Variants in ESR2 observed in about 807,000 individuals in gnomAD.
ESR2 encodes the protein estrogen receptor beta.
In ESR2, 36 loss-of-function variants were observed where a neutral mutation model predicts 49.6. The observed-to-expected ratio is 0.73, with a 90% CI of 0.56 to 0.96. ESR2 has a LOEUF of 0.96. Ranked by LOEUF, ESR2 falls within the 40% of genes least tolerant of loss-of-function variation. The probability of loss-of-function intolerance (pLI) is 0.00; values close to 1 mark genes in which losing one functional copy is unlikely to be tolerated. For synonymous variants in ESR2, 320 were observed against 266.1 expected (o/e 1.20, Z -1.97); for missense variants, 714 against 693.0 (o/e 1.03, Z -0.34).
chr14:64,251,613 G>A lies in ESR2; in HGVS notation c.1092-1934C>T, dbSNP rs554138131. Among the ~76,000 whole-genome samples, 7 of 152,266 alleles carry A rather than the reference G, an allele frequency of 4.6e-5. No individual in the cohort carries two copies. The East Asian group carries it at 9.6e-4, about 21-fold the overall frequency. ...ATGGGAGGAGGGTTGGCATACTGAGGTATTTTAAACCCTGATAAAGGCTGT... is the reference window on the plus strand; with the variant it reads ...ATGGGAGGAGGGTTGGCATACTGAGATATTTTAAACCCTGATAAAGGCTGT... On this transcript the variant is annotated intron_variant, in intron 6 of 8. Transcript: ENST00000341099.
chr14:64,301,892 G>A (rs527399611), intron 1 of ESR2, among the ~76,000 whole-genome samples: 1 of 152,220 alleles, frequency 6.6e-6, no homozygotes, highest in Non-Finnish European at 1.5e-5. Flanking sequence ...CTTCCCAGGT[G>A]TACAGAAGCC....
At chr14:64,311,800 T>C (rs1222708449) in intron 1 of ESR2, among the ~76,000 whole-genome samples, 1 of 151,528 alleles carries the variant, frequency 6.6e-6, no homozygotes, top group African/African-American at 2.4e-5. Flanking sequence ...GTGACAGCAA[T>C]ACCCCATCTC....
chr14:64,250,974 C>T lies in ESR2; in HGVS notation c.1092-1295G>A, dbSNP rs533434789. Among the ~76,000 whole-genome samples, 4 of 152,264 alleles carry T rather than the reference C, an allele frequency of 2.6e-5. No individual in the cohort carries two copies. The South Asian group carries it at 8.3e-4, about 32-fold the overall frequency. On this transcript the variant is annotated intron_variant, in intron 6 of 8. Transcript: ENST00000341099. ...ACTAAATCATAAATTCTGTAAACAC[C>T]TGCAATTTTCTATAAGTACACAGGT...
rs576043607 is a variant in ESR2 at position 64,311,057 on chromosome 14, T to G, written c.-91+26841A>C. 3.3e-5 allele frequency among the ~76,000 whole-genome samples: 5 copies of G among 152,262 alleles called. No individual in the cohort carries two copies. The South Asian group carries it at 8.3e-4, about 25-fold the overall frequency. On this transcript the variant is annotated intron_variant, in intron 1 of 8. Transcript: ENST00000358599. ...ATCATATTAGATTTTTACTCACAGTTCTCTAAAATCATTTCAACTTATAGC... is the reference window on the plus strand; with the variant it reads ...ATCATATTAGATTTTTACTCACAGTGCTCTAAAATCATTTCAACTTATAGC...
chr14:64,279,902 T>C, intron 3 of ESR2, 79 bp downstream of exon 3: 1 of 1,202,956 alleles, frequency 8.3e-7, no homozygotes, highest in Non-Finnish European at 1.2e-6. Context: ...AGTAGTGACA[T>C]TTCTGCCAAG....
chr14:64,318,093 G>C (rs2077279415), intron 1 of ESR2, among the ~76,000 whole-genome samples: 1 of 152,102 alleles, frequency 6.6e-6, no homozygotes, highest in Non-Finnish European at 1.5e-5. Context: ...TCTCTATGTA[G>C]AGAATCCCAA....
At chr14:64,298,793 C>T (rs1451482814), upstream of ESR2, among the ~76,000 whole-genome samples, 1 of 152,160 alleles carries the variant, frequency 6.6e-6, no homozygotes, top group Non-Finnish European at 1.5e-5. Context: ...ACTTTTTGTC[C>T]TGTCCACTGC....
At chr14:64,307,212 T>A (rs1005213247) in intron 1 of ESR2, among the ~76,000 whole-genome samples, 2 of 151,758 alleles carry the variant, frequency 1.3e-5, no homozygotes, top group African/African-American at 4.8e-5. Flanking sequence ...TTTATTTATT[T>A]ATTTATTTAT....
intron 6 of ESR2, among the ~76,000 whole-genome samples, 188 bp from the exon 7 acceptor site, chr14:64,249,867 A>C (rs1220595956): frequency 6.6e-6 from 1 of 152,264 alleles, no homozygotes; most frequent in Non-Finnish European, 1.5e-5. Flanking sequence ...AATTGTCTTC[A>C]TATAAAGAAG....
intron 1 of ESR2, among the ~76,000 whole-genome samples, chr14:64,290,736 A>G (rs2140844260): frequency 6.6e-6 from 1 of 152,350 alleles, no homozygotes; most frequent in Admixed American, 6.5e-5. Context: ...CAAAATATTA[A>G]GGCCCTCAAT....
intron 3 of ESR2, among the ~76,000 whole-genome samples, chr14:64,278,580 G>C (rs549405085): frequency 4.6e-5 from 7 of 152,302 alleles, no homozygotes; most frequent in Admixed American, 2.0e-4. Context: ...GATAGAAAAA[G>C]GAAGGGAGCT....
In ESR2 at chr14:64,260,609, G is replaced by T. The variant is rs760331553; in HGVS notation, c.792C>A (p.Ser264Arg). 4 of 1,610,704 alleles carry T rather than the reference G, an allele frequency of 2.5e-6. No homozygotes were observed. The highest frequency in any genetic ancestry group is 2.7e-5 in the African/African-American group (2 of 74,842). Residue 264 changes from serine to arginine, a missense_variant, in exon 5 of 9, where the codon AGC becomes AGA. Coordinates refer to ENST00000341099, the MANE Select transcript of ESR2 (RefSeq NM_001437.3). ...GGAGGGTGAGCACTAGCTGCTCGGGGCTCAGGGCGTCCAGCAGCAGCTCCC... is the reference window on the plus strand; with the variant it reads ...GGAGGGTGAGCACTAGCTGCTCGGGTCTCAGGGCGTCCAGCAGCAGCTCCC... ...RVRELLLDAL[S>R]PEQLVLTLLE... is the part of the protein sequence containing the mutation.
chr14:64,326,347 TCAGGGGTCA>T (rs2077389815), intron 1 of ESR2, among the ~76,000 whole-genome samples: 1 of 152,166 alleles, frequency 6.6e-6, no homozygotes, highest in South Asian at 2.1e-4. Context: ...ATTCAAGATT[TCAGGGGTCA>T]CAGTAGATGA....
chr14:64,240,659 A>T (rs2075701823), intron 7 of ESR2, among the ~76,000 whole-genome samples: 1 of 152,210 alleles, frequency 6.6e-6, no homozygotes, highest in Non-Finnish European at 1.5e-5. Context: ...ACTCAGCTGC[A>T]AGTTTTTGCA....
At position 64,261,752 on chromosome 14, in the gene ESR2, T is replaced by A. The variant is rs752271082; in HGVS notation, c.653-1004A>T. ...CAAAATTAGATTGTAGTATCTACAC[T>A]ATTTTAATTGTATTTTTGAGACAGA... On this transcript the variant is annotated intron_variant, in intron 4 of 8. Coordinates refer to ENST00000341099, the MANE Select transcript of ESR2 (RefSeq NM_001437.3). Among the ~76,000 whole-genome samples, 6 of 152,286 alleles carry A rather than the reference T, an allele frequency of 3.9e-5. No individual in the cohort carries two copies. The South Asian group carries it at 8.3e-4, about 21-fold the overall frequency.
At chr14:64,245,328 A>T (rs1042982823) in intron 7 of ESR2, among the ~76,000 whole-genome samples, 1 of 151,984 alleles carries the variant, frequency 6.6e-6, no homozygotes, top group Non-Finnish European at 1.5e-5. Context: ...CCTGGCCAAC[A>T]TGGTGAAACC....
At chr14:64,301,248 A>G (rs1193807419) in intron 1 of ESR2, 1 of 152,242 alleles carries the variant, frequency 6.6e-6, no homozygotes, top group Non-Finnish European at 1.5e-5. Flanking sequence ...GTTGCAAATG[A>G]TAAGTGACAA....
Position 64,233,296 on chromosome 14 carries a change from G to A in ESR2, c.1434C>T (p.Asn478=). 3 of 1,614,022 alleles carry A rather than the reference G, an allele frequency of 1.9e-6. No individual in the cohort carries two copies. The highest frequency in any genetic ancestry group is 1.7e-4 in the Middle Eastern group (1 of 6,060). ...ASNKGMEHLL[N]MKCKNVVPVY... ...CTGGGACCACATTTTTGCACTTCATGTTGAGCAGATGTTCCATGCCCTTGT... is the reference window on the plus strand; with the variant it reads ...CTGGGACCACATTTTTGCACTTCATATTGAGCAGATGTTCCATGCCCTTGT... The change falls in exon 9 of 9, where the codon AAC becomes AAT. Residue 478 remains asparagine, a synonymous_variant. Transcript: ENST00000341099.
chr14:64,268,915 T>C lies in ESR2; in HGVS notation c.536-4A>G, dbSNP rs755736550. 5 of 1,525,658 alleles carry C rather than the reference T, an allele frequency of 3.3e-6. No homozygotes were observed. In the East Asian group the frequency reaches 1.1e-4, roughly 34 times the overall value. The allele number at this position is 1,525,658 out of a possible 1,614,324, so 94.5% of individuals were successfully genotyped here. ...GGACAAATATAATCATTATGTCCTA[T>C]AGCAGAGTGGGAGGGAAAAAAAGAT... is the stretch of plus-strand genomic sequence containing the variant. On this transcript the variant is annotated splice_polypyrimidine_tract_variant and splice_region_variant and intron_variant, in intron 3 of 8. Coordinates refer to ENST00000341099, the MANE Select transcript of ESR2 (RefSeq NM_001437.3).
Sources: gnomAD v4.1 joint callset for allele counts (sites outside exome capture counted in the v4.1 genomes callset) on GRCh38, gnomAD v4.1.1 for gene constraint, MANE v1.5 for transcripts, NCBI Gene and HGNC (gene_info 2026-07-23, HGNC 2026-07-21) for gene names.